Variants in SLC47A2 observed in about 807,000 individuals in gnomAD.
SLC47A2 encodes solute carrier family 47 member 2, also known as multidrug and toxin extrusion protein 2.
SLC47A2 carries 52 observed loss-of-function variants against 67.7 expected under a neutral mutation model. The observed-to-expected ratio is 0.77, with a 90% CI of 0.61 to 0.97. The LOEUF is 0.97. SLC47A2 is among the 50% of genes least tolerant of loss of function. SLC47A2 has a pLI of 0.00. For synonymous variants in SLC47A2, 278 were observed against 292.9 expected (o/e 0.95, Z 0.52); for missense variants, 676 against 712.3 (o/e 0.95, Z 0.58).
chr17:19,702,975 G>C (rs2085826324), intron 12 of SLC47A2, 117 bp downstream of exon 12: 1 of 1,163,256 alleles, frequency 8.6e-7, no homozygotes, highest in Non-Finnish European at 1.2e-6. Flanking sequence ...AGCCAAGCCT[G>C]GGCTCTTCCT....
chr17:19,687,134 A>T (rs1224721160), intron 13 of SLC47A2, among the ~76,000 whole-genome samples: 1 of 152,198 alleles, frequency 6.6e-6, no homozygotes, highest in African/African-American at 2.4e-5. Flanking sequence ...GGAAATCAAT[A>T]ACAAGAGGAA....
At chr17:19,712,393 A>C (rs1417837518) in intron 5 of SLC47A2, among the ~76,000 whole-genome samples, 1 of 152,128 alleles carries the variant, frequency 6.6e-6, no homozygotes, top group Non-Finnish European at 1.5e-5. Flanking sequence ...TCTCAAAAAA[A>C]ATCAAATCCT....
At position 19,681,407 on chromosome 17, in the gene SLC47A2, G is replaced by A; in HGVS notation, c.1352C>T (p.Ala451Val). 6.2e-7 allele frequency: 1 copy of A among 1,613,170 alleles called. No homozygotes were observed. The highest frequency in any genetic ancestry group is 8.5e-7 in the Non-Finnish European group (1 of 1,179,628). ...CTTCCAGTCCAGCCGGGCAGTATAA[G>A]CAACAAAGGCAGCAGTTGCCAGGAA... ...CVFLATAAFV[A>V]YTARLDWKLA... Residue 451 changes from alanine (A) to valine (V), a missense_variant, in exon 15 of 17, where the codon GCT becomes GTT. Transcript: ENST00000433844.
chr17:19,705,041 G>C lies in SLC47A2; in HGVS notation c.909+395C>G, dbSNP rs148890404. 7.1e-3 allele frequency: 2,315 copies of C among 325,076 alleles called. 119 individuals carry two copies. In the East Asian group the frequency reaches 0.11, roughly 15 times the overall value. The allele number at this position is 325,076 out of a possible 1,614,324, so 20.1% of individuals were successfully genotyped here. ...GGGGTTTCACCATATTGCCCAGGTT[G>C]GTCTTGAACTCCTGGCTTTGTGATC... On this transcript the variant is annotated intron_variant, in intron 10 of 16. Transcript: ENST00000433844.
chr17:19,679,028 G>A (rs1250175803), intron 16 of SLC47A2, 122 bp from the exon 17 acceptor site: 4 of 730,810 alleles, frequency 5.5e-6, no homozygotes, highest in East Asian at 2.7e-5. Flanking sequence ...AAGGGACGAT[G>A]CCTATACAGT....
chr17:19,681,968 C>G lies in SLC47A2; in HGVS notation c.1165-298G>C, dbSNP rs566726918. Among the ~76,000 whole-genome samples, 123 of 152,314 alleles carry G rather than the reference C, an allele frequency of 8.1e-4. 1 individual carries two copies. Among genetic ancestry groups the G allele is most frequent in the Middle Eastern group, 3.4e-3 (1 of 294 alleles). On this transcript the variant is annotated intron_variant, in intron 13 of 16. Transcript: ENST00000433844. ...TAAAGGTAGAATTGGTGGCCAGCAA[C>G]CAGTTGGTCTGGGAGACTGGACTAA...
intron 13 of SLC47A2, among the ~76,000 whole-genome samples, chr17:19,687,400 A>G (rs1052535625): frequency 1.7e-4 from 26 of 152,180 alleles, no homozygotes; most frequent in African/African-American, 6.0e-4. Flanking sequence ...AGAAAACCAA[A>G]CCCAAAATTA....
chr17:19,707,966 T>C, intron 7 of SLC47A2, 123 bp from the exon 8 acceptor site: 1 of 957,736 alleles, frequency 1.0e-6, no homozygotes, highest in South Asian at 1.6e-5. Flanking sequence ...TCTTCCCCCA[T>C]CCTGGGATCA....
At chr17:19,697,697 C>T (rs1227250076) in intron 13 of SLC47A2, among the ~76,000 whole-genome samples, 1 of 151,880 alleles carries the variant, frequency 6.6e-6, no homozygotes, top group Non-Finnish European at 1.5e-5. Context: ...AAGCTATCCT[C>T]CCACCTCAGC....
chr17:19,716,405 T>TA, intron 1 of SLC47A2, 28 bp downstream of exon 1: 1 of 1,596,470 alleles, frequency 6.3e-7, no homozygotes, highest in Non-Finnish European at 8.5e-7. Flanking sequence ...CTCCACTCCC[T>TA]ACCTGCCCCC....
intron 5 of SLC47A2, among the ~76,000 whole-genome samples, chr17:19,711,588 C>CAAAAAAAAAAAAAAAAAAA (rs35308426): frequency 1.2e-3 from 38 of 33,002 alleles, no homozygotes; most frequent in East Asian, 2.5e-3. Context: ...AACTCCGTCT[C>CAAAAAAAAAAAAAAAAAAA]AAAAAAAAAA....
chr17:19,700,131 C>G (rs2085752259), intron 13 of SLC47A2, among the ~76,000 whole-genome samples: 1 of 152,172 alleles, frequency 6.6e-6, no homozygotes, highest in African/African-American at 2.4e-5. Context: ...AACTACAAAA[C>G]AGTCTCCAGG....
chr17:19,689,204 G>C (rs530919680), intron 13 of SLC47A2, among the ~76,000 whole-genome samples: 25 of 152,194 alleles, frequency 1.6e-4, no homozygotes, highest in Admixed American at 6.5e-4. Flanking sequence ...ACCATGTCTG[G>C]CCCAGATGAT....
chr17:19,718,764 G>A (rs2086310839), upstream of SLC47A2: 1 of 152,462 alleles, frequency 6.6e-6, no homozygotes, highest in Non-Finnish European at 1.5e-5. Context: ...GGTGCAGGCA[G>A]AGTGGGGGGT....
At chr17:19,691,242 C>A (rs1271706734) in intron 13 of SLC47A2, among the ~76,000 whole-genome samples, 2 of 152,116 alleles carry the variant, frequency 1.3e-5, no homozygotes, top group Non-Finnish European at 2.9e-5. Context: ...ATCCAGCAAT[C>A]CTGCTAGGTA....
chr17:19,712,713 G>A lies in SLC47A2; in HGVS notation c.476C>T (p.Pro159Leu), dbSNP rs192458919. The change falls in exon 5 of 17, where the codon CCA becomes CTA. Residue 159 changes from proline to leucine, a missense_variant. Physicochemically the swap from Pro to Leu is moderately conservative, Grantham distance 98 (BLOSUM62 -3). Transcript: ENST00000433844. ...AACAGGGGCACCTACCGGAAGTCCT[G>A]GAATGAAAATCATTACATAGTCCTG... ...LTQDYVMIFI[P>L]GLPVIFLYNL... 4.0e-5 allele frequency: 65 copies of A among 1,613,342 alleles called. No individual in the cohort carries two copies. Among genetic ancestry groups the A allele is most frequent in the Non-Finnish European group, 5.4e-5 (64 of 1,179,806 alleles).
Position 19,678,832 on chromosome 17 carries a change from T to C in SLC47A2, c.1555A>G (p.Thr519Ala). The C allele has an allele frequency of 2.5e-6, 4 of 1,613,378 alleles. No homozygotes were observed. Among genetic ancestry groups the C allele is most frequent in the Non-Finnish European group, 3.4e-6 (4 of 1,179,704 alleles). ...GAAAGGGCGTGGGCCTCCTCTGGAG[T>C]CCTGAAGAAGTCCACGTGGCACTCA... The part of the protein sequence containing the change: ...RSECHVDFFR[T>A]PEEAHALSAP... Residue 519 changes from threonine (T) to alanine (A), a missense_variant, in exon 17 of 17, where the codon ACT becomes GCT. Physicochemically the swap from Thr to Ala is moderately conservative, Grantham distance 58 (BLOSUM62 0). Transcript: ENST00000433844.
intron 11 of SLC47A2, among the ~76,000 whole-genome samples, chr17:19,703,493 G>A (rs1443892338): frequency 2.0e-5 from 3 of 152,360 alleles, no homozygotes; most frequent in Non-Finnish European, 4.4e-5. Flanking sequence ...ACCAAAGCCT[G>A]CTGGTGAGGC....
At chr17:19,680,872 A>G (rs1389224184) in intron 15 of SLC47A2, among the ~76,000 whole-genome samples, 1 of 152,116 alleles carries the variant, frequency 6.6e-6, no homozygotes, top group Non-Finnish European at 1.5e-5. Flanking sequence ...TGCTTCTTAT[A>G]CTGGCCAATT....
Sources: allele counts gnomAD v4.1 joint callset (sites outside exome capture counted in the v4.1 genomes callset), GRCh38; gene constraint gnomAD v4.1.1; transcripts MANE v1.5; gene names NCBI Gene and HGNC (gene_info 2026-07-23, HGNC 2026-07-21).